Variants in TEX11 observed in about 807,000 individuals in gnomAD.
TEX11 encodes the protein testis-expressed protein 11.
A neutral mutation model predicts 84.4 loss-of-function variants in TEX11; 7 were observed. The ratio of observed to expected loss-of-function variants is 0.08; its 90% CI spans 0.05 to 0.16. The LOEUF is 0.16. Ranked by LOEUF, TEX11 falls within the 10% of genes least tolerant of loss-of-function variation. TEX11 has a pLI of 1.00. For synonymous variants in TEX11, 264 were observed against 222.8 expected (o/e 1.18, Z -1.64); for missense variants, 551 against 660.5 (o/e 0.83, Z 1.82).
intron 22 of TEX11, among the ~76,000 whole-genome samples, chrX:70,607,401 C>A (rs2089206896): frequency 9.1e-6 from 1 of 110,092 alleles, no homozygotes; most frequent in Non-Finnish European, 1.9e-5. Flanking sequence ...CCAGCCTGGG[C>A]AACAGAGAGA....
In TEX11 at chrX:70,605,445, C is replaced by T; in HGVS notation, c.2023G>A (p.Val675Ile). The T allele has an allele frequency of 2.5e-6, 3 of 1,209,950 alleles. No homozygotes were observed. Among genetic ancestry groups the T allele is most frequent in the Non-Finnish European group, 2.2e-6 (2 of 894,198 alleles). Residue 675 changes from valine (V) to isoleucine (I), a missense_variant, in exon 24 of 30, where the codon GTT (valine) becomes ATT (isoleucine). By Grantham distance (29) the Val-to-Ile change is conservative. Transcript: ENST00000374333. ...RKTCLLMAVA[V>I]DLEQGRKAST... is the part of the protein sequence containing the mutation. The stretch of plus-strand genomic sequence containing the variant: ...GCTTTTCTCCCTTGCTCTAGATCAA[C>T]TGCAACTGCCATAAGTAAACATGTT...
intron 13 of TEX11, among the ~76,000 whole-genome samples, chrX:70,705,430 A>G (rs2090364524): frequency 8.9e-6 from 1 of 111,919 alleles, no homozygotes; most frequent in Non-Finnish European, 1.9e-5. Context: ...ATGCAAAAGC[A>G]ATGGCAACAA....
At chrX:70,795,006 G>T (rs1305410313) in intron 9 of TEX11, among the ~76,000 whole-genome samples, 3 of 108,383 alleles carry the variant, frequency 2.8e-5, no homozygotes, top group Admixed American at 2.0e-4. Flanking sequence ...AGCCACAGTG[G>T]GGTAGAGCAC....
At chrX:70,844,226 G>A (rs1160808134) in intron 7 of TEX11, among the ~76,000 whole-genome samples, 2 of 110,017 alleles carry the variant, frequency 1.8e-5, no homozygotes, top group East Asian at 5.7e-4. Context: ...GTCCAATAAC[G>A]ATAGACTGGA....
intron 3 of TEX11, among the ~76,000 whole-genome samples, chrX:70,874,260 G>A (rs182179376): frequency 9.1e-6 from 1 of 110,385 alleles, no homozygotes; most frequent in East Asian, 2.8e-4. Flanking sequence ...CCCAGCCTCA[G>A]GTATTTCCTT....
chrX:70,582,466 G>A (rs1346037444), intron 25 of TEX11, among the ~76,000 whole-genome samples: 1 of 111,185 alleles, frequency 9.0e-6, no homozygotes, highest in Non-Finnish European at 1.9e-5. Context: ...ATTTTGATGG[G>A]CTTGCTTCCT....
chrX:70,732,717 C>T (rs1569423237), intron 11 of TEX11, among the ~76,000 whole-genome samples: 1 of 110,710 alleles, frequency 9.0e-6, no homozygotes, highest in Non-Finnish European at 1.9e-5. Context: ...ATGAAAATGG[C>T]CATACTGCTC....
At chrX:70,679,525 G>A (rs2090114553) in intron 14 of TEX11, among the ~76,000 whole-genome samples, 1 of 111,885 alleles carries the variant, frequency 8.9e-6, no homozygotes, top group African/African-American at 3.2e-5. Flanking sequence ...ATCCCATCTG[G>A]GAAGTGAGGA....
chrX:70,752,673 C>T (rs1390356749), intron 9 of TEX11, among the ~76,000 whole-genome samples: 2 of 110,240 alleles, frequency 1.8e-5, no homozygotes, highest in East Asian at 2.8e-4. Flanking sequence ...AAGGCTCCAC[C>T]AATCGTCCCT....
chrX:70,699,513 G>A (rs1406270999), intron 13 of TEX11, among the ~76,000 whole-genome samples: 2 of 111,977 alleles, frequency 1.8e-5, no homozygotes, highest in African/African-American at 6.5e-5. Context: ...TCCAAAGGAT[G>A]TCAAAGGATC....
chrX:70,561,195 T>C (rs1329387142), intron 25 of TEX11, among the ~76,000 whole-genome samples: 1 of 109,000 alleles, frequency 9.2e-6, no homozygotes, highest in East Asian at 2.9e-4. Context: ...CTTTCAGCCA[T>C]GTTTCAAGGT....
intron 4 of TEX11, 80 bp downstream of exon 4, chrX:70,873,143 C>T (rs949446764): frequency 3.3e-6 from 2 of 601,676 alleles, no homozygotes; most frequent in African/African-American, 4.5e-5. Context: ...TGGGTCAAAA[C>T]ATTATTTAAA....
chrX:70,568,060 C>A (rs1419048402), intron 25 of TEX11, among the ~76,000 whole-genome samples: 5 of 111,321 alleles, frequency 4.5e-5, no homozygotes, highest in Non-Finnish European at 9.4e-5. Context: ...GTAGGTCACT[C>A]AGGAGTTGCT....
At chrX:70,711,181 T>A (rs1813788190) in intron 13 of TEX11, among the ~76,000 whole-genome samples, 1 of 111,582 alleles carries the variant, frequency 9.0e-6, no homozygotes, top group South Asian at 3.8e-4. Context: ...CTTAATCCAG[T>A]CTATCATTGA....
chrX:70,661,383 C>T (rs893189823), intron 16 of TEX11, among the ~76,000 whole-genome samples: 6 of 112,392 alleles, frequency 5.3e-5, no homozygotes, highest in African/African-American at 1.3e-4. Flanking sequence ...CCCGGAAGCT[C>T]GAACTGGGTG....
chrX:70,570,240 AT>A (rs2088572576), intron 25 of TEX11, among the ~76,000 whole-genome samples: 3 of 112,079 alleles, frequency 2.7e-5, no homozygotes, highest in African/African-American at 9.7e-5. Flanking sequence ...CTGGTGCGCC[AT>A]TTTTTAAGCC....
chrX:70,754,824 G>A (rs7879615), intron 9 of TEX11, among the ~76,000 whole-genome samples: 9,083 of 111,556 alleles, frequency 0.081, 345 homozygotes, highest in African/African-American at 0.15. Flanking sequence ...AAGAAAACAA[G>A]AGCCTCTGCT....
intron 4 of TEX11, among the ~76,000 whole-genome samples, chrX:70,864,729 G>A (rs1174705461): frequency 1.1e-5 from 1 of 93,002 alleles, no homozygotes; most frequent in African/African-American, 4.1e-5. Flanking sequence ...GTGACAGAGC[G>A]AGATGCCATC....
chrX:70,693,250 A>T (rs1255939706), intron 13 of TEX11, among the ~76,000 whole-genome samples: 1 of 111,059 alleles, frequency 9.0e-6, no homozygotes, highest in African/African-American at 3.3e-5. Context: ...TCAAAAAAAA[A>T]AATTCCAACT....
Sources: allele counts gnomAD v4.1 joint callset (sites outside exome capture counted in the v4.1 genomes callset), GRCh38; gene constraint gnomAD v4.1.1; transcripts MANE v1.5; gene names NCBI Gene and HGNC (gene_info 2026-07-23, HGNC 2026-07-21).